LARP1: variants seen among roughly 807,000 people sequenced by gnomAD.
The protein encoded by LARP1 is La ribonucleoprotein 1, translational regulator, also known as la-related protein 1.
Under a neutral mutation model 122.7 loss-of-function variants are expected in LARP1, and 36 were observed. That is an observed-to-expected ratio of 0.29 (90% CI 0.22 to 0.39). LARP1 has a LOEUF of 0.39. Among genes scored for constraint, LARP1 ranks in the 10% least tolerant of loss-of-function variants. LARP1 has a pLI of 1.00. For missense variants in LARP1, 1,040 were observed against 1,403.6 expected, an observed-to-expected ratio of 0.74 and a Z score of 4.14; for synonymous variants, 539 against 528.7, an observed-to-expected ratio of 1.02 and a Z score of -0.27.
At chr5:154,707,334 T>C (rs532312678) in intron 1 of LARP1, among the ~76,000 whole-genome samples, 7 of 152,364 alleles carry the variant, frequency 4.6e-5, no homozygotes, top group African/African-American at 1.2e-4. Context: ...CTTGCAGTTA[T>C]TTTCTTTACT....
At chr5:154,790,556 C>A in intron 2 of LARP1, 89 bp from the exon 3 acceptor site, 2 of 1,435,776 alleles carry the variant, frequency 1.4e-6, no homozygotes, top group Non-Finnish European at 9.8e-7. Context: ...ACTGATTTGG[C>A]CTCTGATCTC....
At position 154,803,435 on chromosome 5, in the gene LARP1, T is replaced by C; in HGVS notation, c.2233+22T>C. On this transcript the variant is annotated intron_variant, in intron 12 of 18. Transcript: ENST00000518297. This position sits in a 1 kb window ranked among gnomAD's most constrained non-coding sequence, Gnocchi z 4.4. ...CAAGGTGAGAAGCAGACACCTGAGA[T>C]CCTGACATGGGTGAGAGGATCTAGG... 1.2e-6 allele frequency: 2 copies of C among 1,614,092 alleles called. No individual in the cohort carries two copies. The highest frequency in any genetic ancestry group is 1.7e-6 in the Non-Finnish European group (2 of 1,180,006).
At chr5:154,684,617 T>A (rs1275414131) in intron 1 of LARP1, among the ~76,000 whole-genome samples, 1 of 152,166 alleles carries the variant, frequency 6.6e-6, no homozygotes, top group Non-Finnish European at 1.5e-5. Context: ...GTACCATTGC[T>A]GCATGACGGC....
intron 1 of LARP1, among the ~76,000 whole-genome samples, chr5:154,782,313 T>C (rs1046287055): frequency 6.6e-6 from 1 of 152,212 alleles, no homozygotes; most frequent in South Asian, 2.1e-4. Context: ...GAGCTGGCAC[T>C]TGGAGGCCAG....
rs1753175382 is a variant in LARP1 at position 154,746,001 on chromosome 5, G to A, written c.205+32871G>A. 5.3e-5 allele frequency among the ~76,000 whole-genome samples: 8 copies of A among 152,020 alleles called. No homozygotes were observed. In the South Asian group the frequency reaches 1.7e-3, roughly 31 times the overall value. ...AGTAGAGACAGGGTTTCACCATGTT[G>A]GCCGGCCAGGATAGTCTCAATCTCC... On this transcript the variant is annotated intron_variant, in intron 1 of 18. Transcript: ENST00000336314.
intron 1 of LARP1, among the ~76,000 whole-genome samples, chr5:154,702,473 T>G (rs1350933131): frequency 6.6e-6 from 1 of 151,938 alleles, no homozygotes; most frequent in Non-Finnish European, 1.5e-5. Flanking sequence ...GGGGAATTTC[T>G]TGAACCCAGG....
chr5:154,809,596 T>C (rs1371390830), intron 16 of LARP1, among the ~76,000 whole-genome samples: 1 of 152,162 alleles, frequency 6.6e-6, no homozygotes, highest in African/African-American at 2.4e-5. Context: ...AATGGACTCA[T>C]GGGCTCATTC....
intron 1 of LARP1, among the ~76,000 whole-genome samples, chr5:154,734,937 A>C (rs1039117951): frequency 6.6e-6 from 1 of 152,136 alleles, no homozygotes; most frequent in Non-Finnish European, 1.5e-5. Flanking sequence ...TTGTTTTGTG[A>C]CTGGCTTATT....
At position 154,805,890 on chromosome 5, in the gene LARP1, C is replaced by T. The variant is rs770023456; in HGVS notation, c.2556C>T (p.Pro852=). The T allele has an allele frequency of 6.2e-7, 1 of 1,613,922 alleles. No individual in the cohort carries two copies. The highest frequency in any genetic ancestry group is 8.5e-7 in the Non-Finnish European group (1 of 1,179,958). ...RPRTASISSS[P]SEGTPTVGSY... is the part of the protein sequence containing the mutation. The stretch of plus-strand genomic sequence containing the variant: ...TTTGTGGTTTCTGTAGCTCCAGCCC[C>T]TCAGAAGGGACGCCTACAGTTGGCA... The change falls in exon 15 of 19, where the codon CCC becomes CCT. Residue 852 remains proline, a synonymous_variant. Coordinates refer to ENST00000518297, the MANE Select transcript of LARP1 (RefSeq NM_033551.3).
chr5:154,683,211 C>T (rs1318738025), intron 1 of LARP1, among the ~76,000 whole-genome samples: 1 of 152,240 alleles, frequency 6.6e-6, no homozygotes, highest in Non-Finnish European at 1.5e-5. Flanking sequence ...TTACAGGAGC[C>T]GCTTTGCAGC....
intron 10 of LARP1, among the ~76,000 whole-genome samples, chr5:154,801,788 T>C (rs1758372313): frequency 6.6e-6 from 1 of 152,214 alleles, no homozygotes; most frequent in African/African-American, 2.4e-5. Context: ...GACTGTGATA[T>C]GAGCTGTGAG....
At chr5:154,792,986 CCTG>C (rs1757457723) in intron 4 of LARP1, among the ~76,000 whole-genome samples, 190 bp downstream of exon 4, 1 of 152,196 alleles carries the variant, frequency 6.6e-6, no homozygotes, top group South Asian at 2.1e-4. Context: ...TTTCAAAAAA[CCTG>C]CTGAAATTTT....
intron 1 of LARP1, among the ~76,000 whole-genome samples, chr5:154,745,766 G>A (rs1333840650): frequency 6.6e-6 from 1 of 151,822 alleles, no homozygotes; most frequent in East Asian, 1.9e-4. Flanking sequence ...CAGCTAGGAA[G>A]TGGGCAAAGC....
chr5:154,714,619 C>T (rs1165250011), intron 1 of LARP1, among the ~76,000 whole-genome samples: 2 of 152,112 alleles, frequency 1.3e-5, no homozygotes, highest in Non-Finnish European at 2.9e-5. Context: ...TTTTCAAAGC[C>T]CCTTCTGTGC....
At chr5:154,703,076 G>A (rs903209101) in intron 1 of LARP1, among the ~76,000 whole-genome samples, 7 of 126,596 alleles carry the variant, frequency 5.5e-5, no homozygotes, top group African/African-American at 2.1e-4. Flanking sequence ...AGCCAAGATC[G>A]CACCACTGCA....
At chr5:154,735,545 TTTTATTTA>T (rs201042247) in intron 1 of LARP1, among the ~76,000 whole-genome samples, 133 of 143,922 alleles carry the variant, frequency 9.2e-4, no homozygotes, top group African/African-American at 2.7e-3. Context: ...TTATTTTTAT[TTTTATTTA>T]TTTATTTATT....
Position 154,722,155 on chromosome 5 carries a change from CAAGGCCA to C in LARP1, c.205+9027_205+9033del, listed in dbSNP as rs139413758. 1.0e-3 allele frequency among the ~76,000 whole-genome samples: 157 copies of C among 152,314 alleles called. 3 individuals carry two copies. The East Asian group carries it at 0.025, about 24-fold the overall frequency. ...GTCCTTAGTGACCCCTCACTGTGTG[CAAGGCCA>C]AGTCTAGCCCCTGCAGAATATGGCA... On this transcript the variant is annotated intron_variant, in intron 1 of 18. Transcript: ENST00000336314.
rs760089788 is a variant in LARP1 at position 154,799,867 on chromosome 5, C to T, written c.1547-6C>T. 6.2e-7 allele frequency: 1 copy of T among 1,613,468 alleles called. No homozygotes were observed. The highest frequency in any genetic ancestry group is 2.2e-5 in the East Asian group (1 of 44,874). Reference sequence around the variant, plus strand: ...GGGATGAGGACTTCCCCTTTCCACCCTTTAGAGTCGGCACCTGGCTCTCCT... The same window carrying T: ...GGGATGAGGACTTCCCCTTTCCACCTTTTAGAGTCGGCACCTGGCTCTCCT... On this transcript the variant is annotated splice_region_variant and splice_polypyrimidine_tract_variant and intron_variant, in intron 9 of 18. Transcript: ENST00000518297.
chr5:154,759,537 T>A (rs1754274808), intron 1 of LARP1, among the ~76,000 whole-genome samples: 1 of 152,166 alleles, frequency 6.6e-6, no homozygotes, highest in Admixed American at 6.5e-5. Context: ...AACTTTTTAG[T>A]TTGCCTTTTG....
Sources: gnomAD v4.1 joint callset for allele counts (sites outside exome capture counted in the v4.1 genomes callset) on GRCh38, gnomAD v4.1.1 for gene constraint, Gnocchi (gnomAD v3.1) non-coding constraint, MANE v1.5 for transcripts, NCBI Gene and HGNC (gene_info 2026-07-23, HGNC 2026-07-21) for gene names.